Variants in GALNT10 observed in about 807,000 individuals in gnomAD.
GALNT10 encodes the protein polypeptide N-acetylgalactosaminyltransferase 10.
In GALNT10, 41 loss-of-function variants were observed where a neutral mutation model predicts 75.0. The ratio of observed to expected loss-of-function variants is 0.55; its 90% CI spans 0.43 to 0.71. The LOEUF is 0.71. GALNT10 is among the 30% of genes least tolerant of loss of function. GALNT10 has a pLI of 0.00. For missense variants in GALNT10, 727 were observed against 818.5 expected, an observed-to-expected ratio of 0.89 and a Z score of 1.36; for synonymous variants, 302 against 313.0, an observed-to-expected ratio of 0.96 and a Z score of 0.37.
In GALNT10 at chr5:154,376,290, G is replaced by A; in HGVS notation, c.582G>A (p.Lys194=). 1 of 1,610,158 alleles carries A rather than the reference G, an allele frequency of 6.2e-7. No individual in the cohort carries two copies. The highest frequency in any genetic ancestry group is 8.5e-7 in the Non-Finnish European group (1 of 1,177,092). Reference sequence around the variant, plus strand: ...TCTGTCTCATAGAGCACCTGAAGAAGCCTCTTGAAGACTACATGGCCCTTT... The same window carrying A: ...TCTGTCTCATAGAGCACCTGAAGAAACCTCTTGAAGACTACATGGCCCTTT... ...DDFSDREHLK[K]PLEDYMALFP... The change falls in exon 5 of 12, where the codon AAG becomes AAA. Residue 194 remains lysine (K), a synonymous_variant. Transcript: ENST00000297107. The surrounding 1 kb of genome is among the most constrained non-coding windows in gnomAD (Gnocchi z 4.1).
intron 4 of GALNT10, among the ~76,000 whole-genome samples, chr5:154,353,285 G>T (rs1371635467): frequency 1.3e-5 from 2 of 151,936 alleles, no homozygotes; most frequent in Admixed American, 6.6e-5. Flanking sequence ...AGATTGCAAT[G>T]ACACCACCCC....
At chr5:154,309,866 T>C (rs537030064) in intron 3 of GALNT10, among the ~76,000 whole-genome samples, 6 of 152,316 alleles carry the variant, frequency 3.9e-5, no homozygotes, top group African/African-American at 1.4e-4. Context: ...ATGGAAATAG[T>C]GACAAGATTT....
chr5:154,226,468 AG>A (rs1401109322), intron 1 of GALNT10, among the ~76,000 whole-genome samples: 1 of 152,168 alleles, frequency 6.6e-6, no homozygotes, highest in East Asian at 1.9e-4. Flanking sequence ...ATATGATTCT[AG>A]TTGACAGTGT....
chr5:154,406,071 A>T (rs918379720), intron 8 of GALNT10: 1 of 151,962 alleles, frequency 6.6e-6, no homozygotes, highest in African/African-American at 2.4e-5. Flanking sequence ...CATTTTAGGG[A>T]TGGGGAACAT....
chr5:154,273,838 A>G (rs1434283893), intron 1 of GALNT10, among the ~76,000 whole-genome samples: 1 of 152,206 alleles, frequency 6.6e-6, no homozygotes, highest in East Asian at 1.9e-4. Flanking sequence ...AAAGCAGTGG[A>G]ACACTTTTCA....
chr5:154,294,337 C>T (rs13158652), intron 1 of GALNT10, among the ~76,000 whole-genome samples: 47,723 of 152,006 alleles, frequency 0.31, 8,909 homozygotes, highest in East Asian at 0.67. Context: ...TTGTCTCCCA[C>T]TCCCCATCTC....
chr5:154,334,385 C>T (rs1282468880), intron 4 of GALNT10, among the ~76,000 whole-genome samples: 1 of 152,092 alleles, frequency 6.6e-6, no homozygotes, highest in African/African-American at 2.4e-5. Context: ...GAGCTTTGCT[C>T]GAGGATTAGG....
intron 7 of GALNT10, among the ~76,000 whole-genome samples, chr5:154,393,286 C>T (rs1251292873): frequency 6.6e-6 from 1 of 152,074 alleles, no homozygotes; most frequent in Admixed American, 6.5e-5. Context: ...GTTGCCCAGG[C>T]TGGTCTCAAA....
chr5:154,313,925 C>T (rs908026272), intron 3 of GALNT10, among the ~76,000 whole-genome samples: 5 of 152,154 alleles, frequency 3.3e-5, no homozygotes, highest in Non-Finnish European at 5.9e-5. Context: ...CTGTCTCTGA[C>T]TTCCACTTAG....
intron 1 of GALNT10, among the ~76,000 whole-genome samples, chr5:154,204,991 T>C (rs1234187572): frequency 6.6e-6 from 1 of 152,220 alleles, no homozygotes; most frequent in Non-Finnish European, 1.5e-5. Flanking sequence ...AATGCATGCA[T>C]ACCTGTGTTC....
At position 154,417,076 on chromosome 5, in the gene GALNT10, T is replaced by G. The variant is rs1756529354; in HGVS notation, c.*104T>G. 2 of 1,008,490 alleles carry G rather than the reference T, an allele frequency of 2.0e-6. No individual in the cohort carries two copies. The highest frequency in any genetic ancestry group is 3.0e-6 in the Non-Finnish European group (2 of 663,714). 62.5% of individuals were successfully genotyped at this position (1,008,490 alleles called of 1,614,324 possible). A position where few individuals can be genotyped will look rare whatever the true frequency, so the allele number is the denominator to read the frequency against. On this transcript the variant is annotated 3_prime_UTR_variant, in exon 12 of 12. Coordinates refer to ENST00000297107, the MANE Select transcript of GALNT10 (RefSeq NM_198321.4). ...TGTGGGCACTAGGTGTAAAAGGTGC[T>G]GGCCAAATGGTTCAGGGTGAAGAGG...
rs1366289890 is a variant in GALNT10, at chr5:154,358,649, T to C, written c.569-17628T>C. 4.6e-5 allele frequency among the ~76,000 whole-genome samples: 7 copies of C among 152,082 alleles called. No homozygotes were observed. In the South Asian group the frequency reaches 1.5e-3, roughly 32 times the overall value. On this transcript the variant is annotated intron_variant, in intron 4 of 11. Transcript: ENST00000297107. ...CTCCTCCTGTGTGCCCTCTTCCACT[T>C]TCACCACTGCCAGTAATGACGGTGC...
chr5:154,357,927 C>T (rs772966890), intron 4 of GALNT10, among the ~76,000 whole-genome samples: 2 of 152,170 alleles, frequency 1.3e-5, no homozygotes, highest in African/African-American at 2.4e-5. Context: ...GGGATGACAA[C>T]TGCGTGGAAG....
intron 1 of GALNT10, among the ~76,000 whole-genome samples, chr5:154,243,700 A>G (rs1376909163): frequency 6.6e-6 from 1 of 152,262 alleles, no homozygotes; most frequent in Admixed American, 6.5e-5. Context: ...GGTCTGTCAC[A>G]GAGTAAACCG....
intron 3 of GALNT10, among the ~76,000 whole-genome samples, chr5:154,322,850 C>A (rs563131822): frequency 6.6e-6 from 1 of 152,300 alleles, no homozygotes; most frequent in East Asian, 1.9e-4. Context: ...AGCTACAAAT[C>A]AAGAGATACG....
At chr5:154,333,717 T>C (rs952647574) in intron 4 of GALNT10, among the ~76,000 whole-genome samples, 2 of 152,206 alleles carry the variant, frequency 1.3e-5, no homozygotes, top group African/African-American at 4.8e-5. Flanking sequence ...AAAATAATAC[T>C]GTCCCATTTC....
intron 1 of GALNT10, among the ~76,000 whole-genome samples, chr5:154,235,816 T>C (rs1581932138): frequency 6.6e-6 from 1 of 152,202 alleles, no homozygotes; most frequent in East Asian, 1.9e-4. Flanking sequence ...TTCACATATG[T>C]AATCTCACCG....
intron 3 of GALNT10, among the ~76,000 whole-genome samples, chr5:154,314,220 G>T (rs985643955): frequency 1.3e-5 from 2 of 152,124 alleles, no homozygotes; most frequent in Admixed American, 6.5e-5. Context: ...TCTCAGGGAG[G>T]TTATGACTTT....
chr5:154,283,301 G>C (rs77105718), intron 1 of GALNT10, among the ~76,000 whole-genome samples: 17 of 86,536 alleles, frequency 2.0e-4, no homozygotes, highest in Admixed American at 8.6e-4. Flanking sequence ...AAAAAAAAAA[G>C]CCAGGTGTGG....
Sources: allele counts gnomAD v4.1 joint callset (sites outside exome capture counted in the v4.1 genomes callset), GRCh38; gene constraint gnomAD v4.1.1; non-coding constraint Gnocchi (gnomAD v3.1); transcripts MANE v1.5; gene names NCBI Gene and HGNC (gene_info 2026-07-23, HGNC 2026-07-21).